Variants in ADGRG3 observed in about 807,000 individuals in gnomAD.
ADGRG3 encodes the protein adhesion G protein-coupled receptor G3, also known as G protein-coupled receptor 97.
Under a neutral mutation model 54.3 loss-of-function variants are expected in ADGRG3, and 39 were observed. The observed-to-expected ratio is 0.72, with a 90% CI of 0.56 to 0.94. ADGRG3 has a LOEUF of 0.94. Among genes scored for constraint, ADGRG3 ranks in the 40% least tolerant of loss-of-function variants. The probability of loss-of-function intolerance (pLI) is 0.00; values close to 1 mark genes in which losing one functional copy is unlikely to be tolerated. For missense variants in ADGRG3, 654 were observed against 694.6 expected (o/e 0.94, Z 0.66); for synonymous variants, 312 against 290.0 (o/e 1.08, Z -0.77).
chr16:57,672,961 G>A (rs539057037), intron 1 of ADGRG3, among the ~76,000 whole-genome samples: 13 of 152,210 alleles, frequency 8.5e-5, no homozygotes, highest in Non-Finnish European at 1.8e-4. Context: ...CAGTTGCAAG[G>A]GCTTTGGAAG....
chr16:57,677,566 G>A (rs2048285885), intron 3 of ADGRG3, among the ~76,000 whole-genome samples: 1 of 152,174 alleles, frequency 6.6e-6, no homozygotes. Flanking sequence ...TGGGCAACAA[G>A]AATGAGACTC....
At chr16:57,672,928 C>T (rs2048187654) in intron 1 of ADGRG3, among the ~76,000 whole-genome samples, 1 of 152,114 alleles carries the variant, frequency 6.6e-6, no homozygotes, top group Non-Finnish European at 1.5e-5. Context: ...CAGAATACAT[C>T]CAAGAGTTTA....
chr16:57,676,202 A>G lies in ADGRG3; in HGVS notation c.209A>G (p.Tyr70Cys). The change falls in exon 3 of 12, where the codon TAC becomes TGC. Residue 70 changes from tyrosine to cysteine, a missense_variant and splice_region_variant. Tyr to Cys is a radical substitution (Grantham distance 194). Coordinates refer to ENST00000333493, the MANE Select transcript of ADGRG3 (RefSeq NM_170776.5). ...DSCNVENLQR[Y>C]WLNYEAHLMK... is the part of the protein sequence containing the mutation. ...CCCCCATCCCTGGCCCTTTGCAGAT[A>G]CTGGCTAAACTACGAGGCCCATCTG... is the stretch of plus-strand genomic sequence containing the variant. 11 of 1,613,912 alleles carry G rather than the reference A, an allele frequency of 6.8e-6. No individual in the cohort carries two copies. The highest frequency in any genetic ancestry group is 9.3e-6 in the Non-Finnish European group (11 of 1,179,856).
At chr16:57,683,901 G>A (rs1445408842) in intron 8 of ADGRG3, 31 bp from the exon 9 acceptor site, 2 of 1,515,936 alleles carry the variant, frequency 1.3e-6, no homozygotes, top group East Asian at 2.3e-5. Context: ...GGGAGCTGTG[G>A]CCCCTTGGGG....
intron 2 of ADGRG3, 77 bp from the exon 3 acceptor site, chr16:57,676,123 T>A (rs2048258306): frequency 2.1e-6 from 3 of 1,406,236 alleles, no homozygotes; most frequent in Non-Finnish European, 3.0e-6. Flanking sequence ...GGGTCAGCCC[T>A]CTCACCCCAG....
chr16:57,688,442 A>C lies in ADGRG3; in HGVS notation c.1631A>C (p.His544Pro), dbSNP rs1422096425. Residue 544 changes from histidine (H) to proline (P), a missense_variant, in exon 12 of 12, where the codon CAC (histidine) becomes CCC (proline). His to Pro is a moderately conservative substitution (Grantham distance 77, BLOSUM62 -2). Coordinates refer to ENST00000333493, the MANE Select transcript of ADGRG3 (RefSeq NM_170776.5). The stretch of plus-strand genomic sequence containing the variant: ...TCTACTGCAAGATTGGACCAGGCCC[A>C]CTCCGCATCTCAAGAATAGGAAGGC... ...SSSTARLDQA[H>P]SASQE 1 of 1,606,594 alleles carries C rather than the reference A, an allele frequency of 6.2e-7. No homozygotes were observed. Among genetic ancestry groups the C allele is most frequent in the Non-Finnish European group, 8.5e-7 (1 of 1,173,354 alleles).
intron 8 of ADGRG3, chr16:57,681,210 C>T (rs2048361334): frequency 6.3e-6 from 1 of 157,596 alleles, no homozygotes; most frequent in South Asian, 1.8e-4. Context: ...CCAGATTCCC[C>T]CTGTGGATAC....
chr16:57,679,621 C>T (rs1483858487), intron 5 of ADGRG3, among the ~76,000 whole-genome samples, 195 bp from the exon 6 acceptor site: 1 of 152,256 alleles, frequency 6.6e-6, no homozygotes, highest in East Asian at 1.9e-4. Context: ...ACCACAGTCG[C>T]ACGCTTCACA....
chr16:57,674,829 C>CAAA (rs56719808), intron 2 of ADGRG3, among the ~76,000 whole-genome samples: 2,726 of 82,078 alleles, frequency 0.033, 94 homozygotes, highest in African/African-American at 0.099. Flanking sequence ...ACTGAAAATA[C>CAAA]AAAAAAAAAA....
intron 1 of ADGRG3, among the ~76,000 whole-genome samples, 158 bp from the exon 2 acceptor site, chr16:57,673,163 G>A (rs141254385): frequency 6.6e-6 from 1 of 152,292 alleles, no homozygotes; most frequent in East Asian, 1.9e-4. Flanking sequence ...GCCCCAGAGA[G>A]GGTCTGCATC....
At position 57,683,145 on chromosome 16, in the gene ADGRG3, G is replaced by A. The variant is rs191535814; in HGVS notation, c.882-787G>A. On this transcript the variant is annotated intron_variant, in intron 8 of 11. Transcript: ENST00000333493. ...GGAGCAGGGAAAGGCATTGAGAACA[G>A]TGGGAAGAGCTGACCTCTGCGAAAT... Among the ~76,000 whole-genome samples the A allele has an allele frequency of 4.0e-4, 61 of 152,362 alleles. 1 individual carries two copies. The highest frequency in any genetic ancestry group is 2.7e-3 in the Admixed American group (42 of 15,310).
At chr16:57,684,803 C>G (rs1350949871) in intron 10 of ADGRG3, among the ~76,000 whole-genome samples, 1 of 152,184 alleles carries the variant, frequency 6.6e-6, no homozygotes, top group Non-Finnish European at 1.5e-5. Flanking sequence ...TCACCCCGTC[C>G]GCATGCGGGG....
At chr16:57,667,233 TC>T (rs1366391438), upstream of ADGRG3, among the ~76,000 whole-genome samples, 1 of 152,184 alleles carries the variant, frequency 6.6e-6, no homozygotes, top group Non-Finnish European at 1.5e-5. Context: ...GCTGAGCGGC[TC>T]CCCAGTTCAA....
intron 8 of ADGRG3, chr16:57,682,725 G>A: frequency 3.9e-6 from 3 of 760,454 alleles, no homozygotes; most frequent in Non-Finnish European, 4.8e-6. Flanking sequence ...AATTCAGAGT[G>A]GGGGCTCCAG....
chr16:57,684,549 G>C (rs574094514), intron 10 of ADGRG3, 66 bp downstream of exon 10: 2 of 1,150,384 alleles, frequency 1.7e-6, no homozygotes, highest in African/African-American at 3.1e-5. Context: ...GGGCTGGAGA[G>C]AGGTGGGGAG....
Position 57,679,923 on chromosome 16 carries a change from G to A in ADGRG3, c.667+68G>A. Reference sequence around the variant, plus strand: ...GGGTATGGGCTGCATTGTGGGGCGGGGCTAGCTCCACTGGCTGAGTCCCTC... The same window carrying A: ...GGGTATGGGCTGCATTGTGGGGCGGAGCTAGCTCCACTGGCTGAGTCCCTC... On this transcript the variant is annotated intron_variant, in intron 6 of 11. Coordinates refer to ENST00000333493, the MANE Select transcript of ADGRG3 (RefSeq NM_170776.5). The A allele has an allele frequency of 3.1e-6, 4 of 1,303,686 alleles. No individual in the cohort carries two copies. In the South Asian group the frequency reaches 3.5e-5, roughly 12 times the overall value. 80.8% of individuals were successfully genotyped at this position (1,303,686 alleles called of 1,614,324 possible).
intron 10 of ADGRG3, among the ~76,000 whole-genome samples, chr16:57,685,362 T>C (rs1192005618): frequency 6.6e-6 from 1 of 152,212 alleles, no homozygotes; most frequent in Admixed American, 6.5e-5. Context: ...GAAATCTAGG[T>C]GTTTATACCA....
Position 57,676,836 on chromosome 16 carries a change from C to T in ADGRG3, c.345+498C>T, listed in dbSNP as rs1307719307. ...GCAACACAGTGAGAGTCCATCTCTA[C>T]GAAAACAAAACAAAACACAAAACAA... On this transcript the variant is annotated intron_variant, in intron 3 of 11. Coordinates refer to ENST00000333493, the MANE Select transcript of ADGRG3 (RefSeq NM_170776.5). 5.3e-5 allele frequency among the ~76,000 whole-genome samples: 8 copies of T among 152,066 alleles called. No individual in the cohort carries two copies. In the East Asian group the frequency reaches 7.8e-4, roughly 15 times the overall value.
intron 3 of ADGRG3, among the ~76,000 whole-genome samples, chr16:57,677,138 G>A (rs553585664): frequency 6.8e-4 from 104 of 152,326 alleles, no homozygotes; most frequent in African/African-American, 2.4e-3. Flanking sequence ...ATGTCCTTTC[G>A]TTGGGAGTCT....
Sources: allele counts gnomAD v4.1 joint callset (sites outside exome capture counted in the v4.1 genomes callset), GRCh38; gene constraint gnomAD v4.1.1; transcripts MANE v1.5; gene names NCBI Gene and HGNC (gene_info 2026-07-23, HGNC 2026-07-21).